Variants in CPPED1 observed in about 807,000 individuals in gnomAD.
CPPED1 encodes serine/threonine-protein phosphatase CPPED1.
CPPED1 carries 28 observed loss-of-function variants against 28.0 expected under a neutral mutation model. That is an observed-to-expected ratio of 1.00 (90% CI 0.74 to 1.37). The LOEUF (loss-of-function observed/expected upper bound fraction) is 1.37, where lower values mean the gene tolerates loss of function less well. Among genes scored for constraint, CPPED1 ranks in the 40% most tolerant of loss-of-function variants. The pLI, the probability that CPPED1 is intolerant of heterozygous loss-of-function variation, is 0.00. For missense variants in CPPED1, 504 were observed against 416.5 expected, an observed-to-expected ratio of 1.21 and a Z score of -1.83; for synonymous variants, 198 against 180.2, an observed-to-expected ratio of 1.10 and a Z score of -0.79.
chr16:12,664,663 A>C lies in CPPED1; in HGVS notation c.*223T>G. 7.3e-7 allele frequency: 1 copy of C among 1,376,400 alleles called. No individual in the cohort carries two copies. Among genetic ancestry groups the C allele is most frequent in the African/African-American group, 1.5e-5 (1 of 67,024 alleles). The allele number at this position is 1,376,400 out of a possible 1,614,324, so 85.3% of individuals were successfully genotyped here. ...TGCAGAGATAGTCTAATATTTTAAA[A>C]ACTGATTTCCAGGATCATTCGCTCC... On this transcript the variant is annotated 3_prime_UTR_variant, in exon 4 of 4. Coordinates refer to ENST00000381774, the MANE Select transcript of CPPED1 (RefSeq NM_018340.3). The surrounding 1 kb of genome is among the most constrained non-coding windows in gnomAD (Gnocchi z 4.2).
chr16:12,741,300 C>CCTTTTT (rs2080253889), intron 2 of CPPED1, among the ~76,000 whole-genome samples: 1 of 128,704 alleles, frequency 7.8e-6, no homozygotes. Context: ...TCTGGCTGCC[C>CCTTTTT]TTTTTTTTTT....
Position 12,766,132 on chromosome 16 carries a change from A to G in CPPED1, c.289+15053T>C, listed in dbSNP as rs111470021. ...CAAACTTCTGCAGAAGGCGTTCATT[A>G]GCTCCAGAAAACCCCAAAGGGAGGC... On this transcript the variant is annotated intron_variant, in intron 2 of 3. Coordinates refer to ENST00000381774, the MANE Select transcript of CPPED1 (RefSeq NM_018340.3). Among the ~76,000 whole-genome samples, 459 of 152,042 alleles carry G rather than the reference A, an allele frequency of 3.0e-3. 1 individual carries two copies. Among genetic ancestry groups the G allele is most frequent in the Non-Finnish European group, 4.7e-3 (319 of 68,006 alleles).
intron 3 of CPPED1, among the ~76,000 whole-genome samples, chr16:12,692,768 T>G (rs998068474): frequency 6.6e-6 from 1 of 152,190 alleles, no homozygotes; most frequent in Non-Finnish European, 1.5e-5. Flanking sequence ...AATTGCTCTA[T>G]TAGGTGCCTT....
rs139302115 is a variant in CPPED1 at position 12,709,422 on chromosome 16, C to T, written c.290-4373G>A. On this transcript the variant is annotated intron_variant, in intron 2 of 3. Transcript: ENST00000381774. This position sits in a 1 kb window ranked among gnomAD's most constrained non-coding sequence, Gnocchi z 4.4. Reference sequence around the variant, plus strand: ...ACACCTGACCCCCACGGAGAGGAGCCCTGGGTGGGAATGGCGAGAGCAGTG... The same window carrying T: ...ACACCTGACCCCCACGGAGAGGAGCTCTGGGTGGGAATGGCGAGAGCAGTG... 1.9e-4 allele frequency among the ~76,000 whole-genome samples: 29 copies of T among 152,112 alleles called. No individual in the cohort carries two copies. Among genetic ancestry groups the T allele is most frequent in the South Asian group, 4.2e-4 (2 of 4,812 alleles).
At position 12,670,383 on chromosome 16, in the gene CPPED1, A is replaced by C. The variant is rs59452083; in HGVS notation, c.716-5268T>G. 6.6e-6 allele frequency among the ~76,000 whole-genome samples: 1 copy of C among 152,150 alleles called. No individual in the cohort carries two copies. Among genetic ancestry groups the C allele is most frequent in the Non-Finnish European group, 1.5e-5 (1 of 68,028 alleles). ...GTAGGGGGAGAAACATCTCCTACAC[A>C]CAGAAGAGTAACAAATAAATGACAC... On this transcript the variant is annotated intron_variant, in intron 3 of 3. Coordinates refer to ENST00000381774, the MANE Select transcript of CPPED1 (RefSeq NM_018340.3). The surrounding 1 kb of genome is among the most constrained non-coding windows in gnomAD (Gnocchi z 4.2).
At position 12,765,402 on chromosome 16, in the gene CPPED1, G is replaced by C. The variant is rs74700011; in HGVS notation, c.289+15783C>G. On this transcript the variant is annotated intron_variant, in intron 2 of 3. Transcript: ENST00000381774. ...CTAGATATTTATAGCAACTCTTGTTGAATCTGTACTGTTAACCTGCTTAGG... is the reference window on the plus strand; with the variant it reads ...CTAGATATTTATAGCAACTCTTGTTCAATCTGTACTGTTAACCTGCTTAGG... 3.4e-3 allele frequency among the ~76,000 whole-genome samples: 522 copies of C among 152,314 alleles called. 2 individuals carry two copies. The highest frequency in any genetic ancestry group is 0.012 in the African/African-American group (502 of 41,568).
In CPPED1 at chr16:12,689,980, A is replaced by G. The variant is rs542624184; in HGVS notation, c.715+14644T>C. On this transcript the variant is annotated intron_variant, in intron 3 of 3. Transcript: ENST00000381774. ...TACTGGCAGTAACAACCATTTTATCAAACACAAGTTGAAATTAACTGATTG... is the reference window on the plus strand; with the variant it reads ...TACTGGCAGTAACAACCATTTTATCGAACACAAGTTGAAATTAACTGATTG... Among the ~76,000 whole-genome samples, 7 of 152,354 alleles carry G rather than the reference A, an allele frequency of 4.6e-5. No individual in the cohort carries two copies. The South Asian group carries it at 1.2e-3, about 27-fold the overall frequency.
rs965764664 is a variant in CPPED1 at position 12,682,862 on chromosome 16, C to A, written c.716-17747G>T. Among the ~76,000 whole-genome samples, 1 of 152,172 alleles carries A rather than the reference C, an allele frequency of 6.6e-6. No individual in the cohort carries two copies. Among genetic ancestry groups the A allele is most frequent in the African/African-American group, 2.4e-5 (1 of 41,426 alleles). Reference sequence around the variant, plus strand: ...CTTGCGTGTGAAATGGAGCGTGGGGCCCACATTAAGGTTTCAATCCAGAAT... The same window carrying A: ...CTTGCGTGTGAAATGGAGCGTGGGGACCACATTAAGGTTTCAATCCAGAAT... On this transcript the variant is annotated intron_variant, in intron 3 of 3. Coordinates refer to ENST00000381774, the MANE Select transcript of CPPED1 (RefSeq NM_018340.3). The surrounding 1 kb of genome is among the most constrained non-coding windows in gnomAD (Gnocchi z 6.1).
At chr16:12,703,907 C>T (rs1237459865) in intron 3 of CPPED1, among the ~76,000 whole-genome samples, 1 of 152,096 alleles carries the variant, frequency 6.6e-6, no homozygotes, top group Non-Finnish European at 1.5e-5. Flanking sequence ...TGAGGTGTGA[C>T]CTCCAGAAAT....
At chr16:12,689,893 A>G (rs2079953372) in intron 3 of CPPED1, among the ~76,000 whole-genome samples, 1 of 152,194 alleles carries the variant, frequency 6.6e-6, no homozygotes, top group Non-Finnish European at 1.5e-5. Context: ...TTTTCAGACC[A>G]TTTACTCCAA....
intron 2 of CPPED1, among the ~76,000 whole-genome samples, chr16:12,710,417 T>C (rs570170571): frequency 2.0e-5 from 3 of 149,258 alleles, no homozygotes; most frequent in African/African-American, 7.5e-5. Flanking sequence ...AATCAAAAGG[T>C]CATTTTGAAT....
chr16:12,759,486 G>T (rs144749026), intron 2 of CPPED1: 106 of 152,402 alleles, frequency 7.0e-4, no homozygotes, highest in African/African-American at 2.5e-3. Context: ...GAGGCCATCA[G>T]GCCATCTAGC....
chr16:12,760,616 T>C lies in CPPED1; in HGVS notation c.289+20569A>G, dbSNP rs2080403639. The stretch of plus-strand genomic sequence containing the variant: ...TGTCAGCAGGCCTAGGCATCGAAAA[T>C]GACACAACTGTCTCCTGTTCAGAAG... On this transcript the variant is annotated intron_variant, in intron 2 of 3. Transcript: ENST00000381774. 2.6e-5 allele frequency: 4 copies of C among 152,092 alleles called. No individual in the cohort carries two copies. The South Asian group carries it at 8.3e-4, about 32-fold the overall frequency. 9.4% of individuals were successfully genotyped at this position (152,092 alleles called of 1,614,324 possible). A position where few individuals can be genotyped will look rare whatever the true frequency, so the allele number is the denominator to read the frequency against.
At chr16:12,767,371 G>C (rs973760668) in intron 2 of CPPED1, among the ~76,000 whole-genome samples, 3 of 152,142 alleles carry the variant, frequency 2.0e-5, no homozygotes, top group African/African-American at 7.2e-5. Flanking sequence ...GCCCAAAATA[G>C]TGAAGGCATA....
intron 1 of CPPED1, among the ~76,000 whole-genome samples, chr16:12,786,313 G>C (rs983116606): frequency 1.3e-5 from 2 of 152,194 alleles, no homozygotes; most frequent in Admixed American, 6.5e-5. Context: ...GGAAGCACCA[G>C]CCTACATACA....
chr16:12,788,801 C>T lies in CPPED1; in HGVS notation c.71-7398G>A, dbSNP rs138888132. On this transcript the variant is annotated intron_variant, in intron 1 of 3. Coordinates refer to ENST00000381774, the MANE Select transcript of CPPED1 (RefSeq NM_018340.3). Reference sequence around the variant, plus strand: ...TCCAAAAAGTTTCCTTCAAATGGAACGTCTTGATAAATGGGCTGTACACAA... The same window carrying T: ...TCCAAAAAGTTTCCTTCAAATGGAATGTCTTGATAAATGGGCTGTACACAA... Among the ~76,000 whole-genome samples, 14 of 152,292 alleles carry T rather than the reference C, an allele frequency of 9.2e-5. No individual in the cohort carries two copies. In the East Asian group the frequency reaches 9.6e-4, roughly 10 times the overall value.
At chr16:12,710,454 CAA>C (rs201222533) in intron 2 of CPPED1, among the ~76,000 whole-genome samples, 12 of 106,864 alleles carry the variant, frequency 1.1e-4, no homozygotes, top group Non-Finnish European at 1.2e-4. Context: ...TGTTACAGGC[CAA>C]AAAAAAAAAA....
chr16:12,663,771 G>C lies in CPPED1; in HGVS notation c.*1115C>G, dbSNP rs1049471007. The stretch of plus-strand genomic sequence containing the variant: ...TGTATATTTTTCCTGCCAGGATTTG[G>C]AGTACCTAGGTTATTTGTCCACCAG... On this transcript the variant is annotated 3_prime_UTR_variant, in exon 4 of 4. Transcript: ENST00000381774. The C allele has an allele frequency of 6.6e-6, 1 of 152,184 alleles. No individual in the cohort carries two copies. The allele number at this position is 152,184 out of a possible 1,614,324, so 9.4% of individuals were successfully genotyped here. A position where few individuals can be genotyped will look rare whatever the true frequency, so the allele number is the denominator to read the frequency against.
chr16:12,717,452 G>C (rs963368128), intron 2 of CPPED1, among the ~76,000 whole-genome samples: 2 of 152,144 alleles, frequency 1.3e-5, no homozygotes, highest in African/African-American at 4.8e-5. Context: ...TTTTAGTACA[G>C]ACAGGGTTTC....
Sources: gnomAD v4.1 joint callset for allele counts (sites outside exome capture counted in the v4.1 genomes callset) on GRCh38, gnomAD v4.1.1 for gene constraint, Gnocchi (gnomAD v3.1) non-coding constraint, MANE v1.5 for transcripts, NCBI Gene and HGNC (gene_info 2026-07-23, HGNC 2026-07-21) for gene names.